GBF1: variants seen among roughly 807,000 people sequenced by gnomAD.
The protein encoded by GBF1 is Golgi-specific brefeldin A-resistance guanine nucleotide exchange factor 1.
GBF1 carries 114 observed loss-of-function variants against 210.5 expected under a neutral mutation model. That is an observed-to-expected ratio of 0.54 (90% CI 0.47 to 0.63). The LOEUF (loss-of-function observed/expected upper bound fraction) is 0.63. Ranked by LOEUF, GBF1 falls within the 30% of genes least tolerant of loss-of-function variation. The pLI, the probability that GBF1 is intolerant of heterozygous loss-of-function variation, is 0.00. For synonymous variants in GBF1, 850 were observed against 889.2 expected (o/e 0.96, Z 0.78); for missense variants, 1,851 against 2,357.7 (o/e 0.79, Z 4.45).
intron 4 of GBF1, among the ~76,000 whole-genome samples, chr10:102,350,929 CA>C (rs1249451406): frequency 6.6e-6 from 1 of 151,514 alleles, no homozygotes; most frequent in Non-Finnish European, 1.5e-5. Context: ...ACTAAAAGTA[CA>C]AAAAAAATTA....
the GBF1 span, among the ~76,000 whole-genome samples, chr10:102,239,571 C>T: frequency 1.3e-5 from 2 of 152,188 alleles, no homozygotes; most frequent in African/African-American, 4.8e-5. Flanking sequence ...AATAAGCAAA[C>T]TTTAGAACTG....
chr10:102,382,359 A>C lies in GBF1; in HGVS notation c.*23A>C. On this transcript the variant is annotated 3_prime_UTR_variant, in exon 40 of 40. Transcript: ENST00000369983. ...TAAGGCAGGTCACTCAGAGATCAGGACCAGTGCTTCCCACCAGGCTTTCCT... is the reference window on the plus strand; with the variant it reads ...TAAGGCAGGTCACTCAGAGATCAGGCCCAGTGCTTCCCACCAGGCTTTCCT... 6.4e-7 allele frequency: 1 copy of C among 1,571,570 alleles called. No homozygotes were observed. Among genetic ancestry groups the C allele is most frequent in the Non-Finnish European group, 8.7e-7 (1 of 1,155,486 alleles).
At chr10:102,351,002 G>A (rs746979171) in intron 4 of GBF1, among the ~76,000 whole-genome samples, 4 of 151,198 alleles carry the variant, frequency 2.6e-5, no homozygotes, top group Non-Finnish European at 4.4e-5. Context: ...CAGGAAAATC[G>A]CTTGAACCCA....
intron 3 of GBF1, among the ~76,000 whole-genome samples, chr10:102,305,217 G>GTGTA (rs1554958977): frequency 7.9e-4 from 106 of 134,974 alleles, no homozygotes; most frequent in Admixed American, 1.5e-3. Flanking sequence ...GTGTGTGTGT[G>GTGTA]TGTACTTGAT....
chr10:102,261,076 C>A (rs1009547895), intron 3 of GBF1, among the ~76,000 whole-genome samples: 23 of 152,022 alleles, frequency 1.5e-4, no homozygotes, highest in African/African-American at 4.8e-4. Context: ...AAGTTAAAGC[C>A]CAGAGGAGTT....
chr10:102,295,785 G>C (rs1431982317), intron 3 of GBF1, among the ~76,000 whole-genome samples: 1 of 152,098 alleles, frequency 6.6e-6, no homozygotes, highest in African/African-American at 2.4e-5. Flanking sequence ...AGGAGAAAAG[G>C]AATCCAGATT....
Position 102,358,028 on chromosome 10 carries a change from G to A in GBF1, c.640-11G>A. 6.4e-7 allele frequency: 1 copy of A among 1,570,602 alleles called. No individual in the cohort carries two copies. The highest frequency in any genetic ancestry group is 1.7e-4 in the Middle Eastern group (1 of 5,978). Reference sequence around the variant, plus strand: ...TTGAATACCATTGCTAATGGGGTATGATATTTCCAGCTGAAAATGAGAGCC... The same window carrying A: ...TTGAATACCATTGCTAATGGGGTATAATATTTCCAGCTGAAAATGAGAGCC... On this transcript the variant is annotated splice_polypyrimidine_tract_variant and intron_variant, in intron 8 of 39. Transcript: ENST00000369983.
At chr10:102,372,519 A>G (rs2060269900) in intron 29 of GBF1, among the ~76,000 whole-genome samples, 1 of 152,188 alleles carries the variant, frequency 6.6e-6, no homozygotes, top group South Asian at 2.1e-4. Flanking sequence ...CAAAAAAAAG[A>G]CTTACTGTAT....
chr10:102,238,347 G>C, the GBF1 span, among the ~76,000 whole-genome samples: 1 of 152,188 alleles, frequency 6.6e-6, no homozygotes, highest in South Asian at 2.1e-4. Flanking sequence ...TGCTGCGTTT[G>C]CCCTCCCGTC....
chr10:102,278,785 C>T (rs1432084202), intron 3 of GBF1, among the ~76,000 whole-genome samples: 2 of 152,094 alleles, frequency 1.3e-5, no homozygotes, highest in East Asian at 1.9e-4. Context: ...GTGTGTCTAT[C>T]GTGAATCTGT....
chr10:102,231,914 TG>T, the GBF1 span: 1 of 1,562,166 alleles, frequency 6.4e-7, no homozygotes. Flanking sequence ...CCACCCGCAC[TG>T]GGGATGAAGC....
intron 3 of GBF1, among the ~76,000 whole-genome samples, chr10:102,288,776 A>G (rs2076197903): frequency 6.6e-6 from 1 of 150,426 alleles, no homozygotes; most frequent in Non-Finnish European, 1.5e-5. Context: ...AGATAGATTC[A>G]TCTGGTCCTT....
At chr10:102,283,865 G>A (rs2133503959) in intron 3 of GBF1, among the ~76,000 whole-genome samples, 1 of 152,258 alleles carries the variant, frequency 6.6e-6, no homozygotes, top group African/African-American at 2.4e-5. Flanking sequence ...ATTTCTTACT[G>A]TGGTCTTGTA....
chr10:102,326,362 T>G (rs1212222503), intron 3 of GBF1, among the ~76,000 whole-genome samples: 1 of 152,228 alleles, frequency 6.6e-6, no homozygotes, highest in Non-Finnish European at 1.5e-5. Flanking sequence ...CTACAAAGGT[T>G]GCCCAAGGGG....
intron 3 of GBF1, among the ~76,000 whole-genome samples, chr10:102,328,181 G>T (rs1481476971): frequency 2.0e-5 from 3 of 152,162 alleles, no homozygotes; most frequent in Non-Finnish European, 4.4e-5. Flanking sequence ...GCATGAGGGT[G>T]GCTGAAACAG....
chr10:102,352,261 C>A (rs1449356755), intron 6 of GBF1, among the ~76,000 whole-genome samples, 197 bp from the exon 7 acceptor site: 1 of 152,168 alleles, frequency 6.6e-6, no homozygotes, highest in Admixed American at 6.5e-5. Flanking sequence ...ATCTATACCT[C>A]CCCTTTTTTC....
intron 1 of GBF1, among the ~76,000 whole-genome samples, chr10:102,255,715 A>G (rs1348750168): frequency 6.6e-6 from 1 of 152,222 alleles, no homozygotes; most frequent in African/African-American, 2.4e-5. Context: ...GATACTTTAA[A>G]TCATTTTTGA....
chr10:102,366,991 TCTC>T lies in GBF1; in HGVS notation c.2434-90_2434-88del. ...GACTGGCCACTTTCTGGATGGTACCTCTCCTCTGTACTAGCACTGACCAGTGGG... is the reference window on the plus strand; with the variant it reads ...GACTGGCCACTTTCTGGATGGTACCTCTCTGTACTAGCACTGACCAGTGGG... On this transcript the variant is annotated intron_variant, in intron 19 of 39. Transcript: ENST00000369983. This position sits in a 1 kb window ranked among gnomAD's most constrained non-coding sequence, Gnocchi z 4.0. 2 of 1,369,020 alleles carry T rather than the reference TCTC, an allele frequency of 1.5e-6. No homozygotes were observed. The highest frequency in any genetic ancestry group is 2.0e-6 in the Non-Finnish European group (2 of 982,842). The allele number at this position is 1,369,020 out of a possible 1,614,324, so 84.8% of individuals were successfully genotyped here.
intron 3 of GBF1, among the ~76,000 whole-genome samples, chr10:102,318,972 A>G (rs2056120084): frequency 6.6e-6 from 1 of 152,202 alleles, no homozygotes; most frequent in Non-Finnish European, 1.5e-5. Context: ...CTGTAATCCC[A>G]GCATTTTGGG....
Sources: gnomAD v4.1 joint callset for allele counts (sites outside exome capture counted in the v4.1 genomes callset) on GRCh38, gnomAD v4.1.1 for gene constraint, Gnocchi (gnomAD v3.1) non-coding constraint, MANE v1.5 for transcripts, NCBI Gene and HGNC (gene_info 2026-07-23, HGNC 2026-07-21) for gene names.